Variants in NSL1 observed in about 807,000 individuals in gnomAD.
The protein encoded by NSL1 is NSL1 component of MIS12 kinetochore complex.
A neutral mutation model predicts 25.4 loss-of-function variants in NSL1; 11 were observed. The ratio of observed to expected loss-of-function variants is 0.43; its 90% CI spans 0.27 to 0.72. The LOEUF (loss-of-function observed/expected upper bound fraction) is 0.72, where lower values mean the gene tolerates loss of function less well. Ranked by LOEUF, NSL1 falls within the 30% of genes least tolerant of loss-of-function variation. NSL1 has a pLI of 0.19. For synonymous variants in NSL1, 118 were observed against 120.6 expected (o/e 0.98, Z 0.14); for missense variants, 330 against 342.7 (o/e 0.96, Z 0.29).
rs1439061713 is a variant in NSL1 at position 212,787,652 on chromosome 1, C to T, written c.235-15G>A. 1.3e-6 allele frequency: 2 copies of T among 1,560,946 alleles called. No homozygotes were observed. ...GATTCAAAAGTCTGCAATAAATTCA[C>T]AGTAGTCAAGTCACTAAAAATAATT... On this transcript the variant is annotated splice_polypyrimidine_tract_variant and intron_variant, in intron 1 of 5. Transcript: ENST00000366977.
chr1:212,780,919 T>A (rs1660707198), intron 4 of NSL1, among the ~76,000 whole-genome samples: 1 of 152,164 alleles, frequency 6.6e-6, no homozygotes, highest in South Asian at 2.1e-4. Context: ...AGTGCAGAGC[T>A]GGAATTCACG....
intron 4 of NSL1, 84 bp from the exon 5 acceptor site, chr1:212,739,685 T>TA (rs1213257785): frequency 2.3e-6 from 3 of 1,328,450 alleles, no homozygotes; most frequent in Non-Finnish European, 3.2e-6. Context: ...CTGAAAGGCA[T>TA]ATAGATGCTA....
intron 4 of NSL1, among the ~76,000 whole-genome samples, chr1:212,765,344 C>G (rs1018594474): frequency 1.3e-5 from 2 of 152,138 alleles, no homozygotes; most frequent in African/African-American, 4.8e-5. Context: ...CAATAAAATA[C>G]TAGCTAACCA....
chr1:212,775,564 C>T (rs1009294020), intron 4 of NSL1, among the ~76,000 whole-genome samples: 1 of 151,036 alleles, frequency 6.6e-6, no homozygotes, highest in Non-Finnish European at 1.5e-5. Context: ...GAGTTAGAGA[C>T]CAGCCTAGGC....
Position 212,732,029 on chromosome 1 carries a change from T to A in NSL1, c.*6379A>T, listed in dbSNP as rs78965463. 2.5e-5 allele frequency: 1 copy of A among 39,496 alleles called. No individual in the cohort carries two copies. The highest frequency in any genetic ancestry group is 4.4e-5 in the Non-Finnish European group (1 of 22,488). The allele number at this position is 39,496 out of a possible 1,614,324, so 2.4% of individuals were successfully genotyped here. Reference sequence around the variant, plus strand: ...TAGCCTCCCAGTGTAACTGTCCCAATTTTTTTTTTTTTTTTTTACTGAATT... The same window carrying A: ...TAGCCTCCCAGTGTAACTGTCCCAAATTTTTTTTTTTTTTTTTACTGAATT... On this transcript the variant is annotated 3_prime_UTR_variant, in exon 6 of 6. Coordinates refer to ENST00000366977, the MANE Select transcript of NSL1 (RefSeq NM_015471.4).
chr1:212,743,444 T>A (rs942348874), intron 4 of NSL1, among the ~76,000 whole-genome samples: 1 of 151,428 alleles, frequency 6.6e-6, no homozygotes. Context: ...ATTACAGCCA[T>A]GAACCACAGC....
intron 4 of NSL1, among the ~76,000 whole-genome samples, chr1:212,755,914 T>C (rs1659285432): frequency 6.6e-6 from 1 of 152,116 alleles, no homozygotes; most frequent in African/African-American, 2.4e-5. Flanking sequence ...AAACTTAAGC[T>C]AGGAAATTGC....
In NSL1 at chr1:212,769,212, T is replaced by C. The variant is rs1659984988; in HGVS notation, c.499+13160A>G. ...AAAATCTATTTAACAACATAGTAGC[T>C]AAAAACTTCTCAAATCTTGCAAAAG... On this transcript the variant is annotated intron_variant, in intron 4 of 5. Transcript: ENST00000366977. Among the ~76,000 whole-genome samples, 3 of 152,158 alleles carry C rather than the reference T, an allele frequency of 2.0e-5. No individual in the cohort carries two copies. The South Asian group carries it at 6.2e-4, about 31-fold the overall frequency.
intron 4 of NSL1, chr1:212,766,410 A>T: frequency 2.4e-6 from 1 of 422,318 alleles, no homozygotes; most frequent in Non-Finnish European, 4.2e-6. Flanking sequence ...TTTGCCAGTG[A>T]TATGATCGTA....
Position 212,731,276 on chromosome 1 carries a change from C to T in NSL1, c.*7132G>A, listed in dbSNP as rs1471552492. On this transcript the variant is annotated 3_prime_UTR_variant, in exon 6 of 6. Transcript: ENST00000366977. ...CTTATCTGAAATATACTGTGATAGG[C>T]CAGGTGCAGTGGCTCATTCCTGTAA... 1 of 984,830 alleles carries T rather than the reference C, an allele frequency of 1.0e-6. No individual in the cohort carries two copies. Among genetic ancestry groups the T allele is most frequent in the Non-Finnish European group, 1.2e-6 (1 of 829,812 alleles). The allele number at this position is 984,830 out of a possible 1,614,324, so 61.0% of individuals were successfully genotyped here.
chr1:212,751,712 T>A lies in NSL1; in HGVS notation c.500-12111A>T, dbSNP rs369183611. On this transcript the variant is annotated intron_variant, in intron 4 of 5. Transcript: ENST00000366977. ...GTAGCACCAATAATTAATAAAACCATTTTTTTTAAAGACAAAAGAAGGAAA... is the reference window on the plus strand; with the variant it reads ...GTAGCACCAATAATTAATAAAACCAATTTTTTTAAAGACAAAAGAAGGAAA... Among the ~76,000 whole-genome samples, 36 of 21,858 alleles carry A rather than the reference T, an allele frequency of 1.6e-3. No individual in the cohort carries two copies. In the East Asian group the frequency reaches 0.027, roughly 16 times the overall value. The allele number at this position is 21,858 out of a possible 152,430, so 14.3% of individuals were successfully genotyped here. A position where few individuals can be genotyped will look rare whatever the true frequency, so the allele number is the denominator to read the frequency against.
Position 212,728,072 on chromosome 1 carries a change from T to G in NSL1, c.*10336A>C, listed in dbSNP as rs1017702338. 2 of 985,364 alleles carry G rather than the reference T, an allele frequency of 2.0e-6. No homozygotes were observed. The highest frequency in any genetic ancestry group is 9.4e-5 in the South Asian group (2 of 21,282). 61.0% of individuals were successfully genotyped at this position (985,364 alleles called of 1,614,324 possible). On this transcript the variant is annotated 3_prime_UTR_variant, in exon 6 of 6. Transcript: ENST00000366977. ...GACCGCTGGGAAGGTGGCCAGGCAC[T>G]TCCCTTCTCATCTCCACCTCTTTCT...
In NSL1 at chr1:212,739,578, A is replaced by T; in HGVS notation, c.523T>A (p.Cys175Ser). Residue 175 changes from cysteine (C) to serine (S), a missense_variant, in exon 5 of 6, where the codon TGC (cysteine) becomes AGC (serine). Physicochemically the swap from Cys to Ser is moderately radical, Grantham distance 112. Transcript: ENST00000366977. ...TCCTTTGCTACTGTTTCCCCTCTGCATTTCAAATTTTCCATATGAGGGGCT... is the reference window on the plus strand; with the variant it reads ...TCCTTTGCTACTGTTTCCCCTCTGCTTTTCAAATTTTCCATATGAGGGGCT... ...DPAPHMENLK[C>S]RGETVAKEIS... The T allele has an allele frequency of 1.9e-6, 3 of 1,613,524 alleles. No homozygotes were observed. The highest frequency in any genetic ancestry group is 2.5e-6 in the Non-Finnish European group (3 of 1,179,722).
intron 4 of NSL1, among the ~76,000 whole-genome samples, chr1:212,741,329 T>C (rs1658495074): frequency 6.6e-6 from 1 of 152,250 alleles, no homozygotes; most frequent in Non-Finnish European, 1.5e-5. Flanking sequence ...CGAACATTTA[T>C]GATGTATCTT....
At position 212,729,484 on chromosome 1, in the gene NSL1, C is replaced by T. The variant is rs1016414377; in HGVS notation, c.*8924G>A. The T allele has an allele frequency of 4.1e-6, 4 of 985,206 alleles. No homozygotes were observed. Among genetic ancestry groups the T allele is most frequent in the African/African-American group, 3.5e-5 (2 of 57,196 alleles). 61.0% of individuals were successfully genotyped at this position (985,206 alleles called of 1,614,324 possible). A position where few individuals can be genotyped will look rare whatever the true frequency, so the allele number is the denominator to read the frequency against. On this transcript the variant is annotated 3_prime_UTR_variant, in exon 6 of 6. Transcript: ENST00000366977. ...TGTCTGGCACATGGCTGGGAAAGAT[C>T]CTGAGGCTCTGGAGCTGGGGTGTAT...
At chr1:212,765,637 A>G (rs1393749602) in intron 4 of NSL1, among the ~76,000 whole-genome samples, 2 of 151,896 alleles carry the variant, frequency 1.3e-5, no homozygotes, top group Non-Finnish European at 2.9e-5. Context: ...CCTGGTCAAT[A>G]TGGTGAAACC....
At position 212,734,856 on chromosome 1, in the gene NSL1, C is replaced by A. The variant is rs926869931; in HGVS notation, c.*3552G>T. Among the ~76,000 whole-genome samples the A allele has an allele frequency of 1.3e-5, 2 of 152,204 alleles. No individual in the cohort carries two copies. Among genetic ancestry groups the A allele is most frequent in the Non-Finnish European group, 2.9e-5 (2 of 68,044 alleles). ...CTGCATGGCATTATCATTGTTTGCA[C>A]ACTCATCCTCTTCACTGGAATATGA... On this transcript the variant is annotated 3_prime_UTR_variant, in exon 6 of 6. Coordinates refer to ENST00000366977, the MANE Select transcript of NSL1 (RefSeq NM_015471.4).
At chr1:212,779,523 C>A (rs1571915080) in intron 4 of NSL1, among the ~76,000 whole-genome samples, 1 of 117,414 alleles carries the variant, frequency 8.5e-6, no homozygotes, top group African/African-American at 3.5e-5. Context: ...GGTCAGCCCC[C>A]CGCCCAGCCA....
rs546546782 is a variant in NSL1, at chr1:212,738,590, A to G, written c.664T>C (p.Ser222Pro). The G allele has an allele frequency of 6.2e-7, 1 of 1,614,144 alleles. No individual in the cohort carries two copies. The highest frequency in any genetic ancestry group is 2.2e-5 in the East Asian group (1 of 44,884). ...GCATCTGGTTTCCTATGACAACTGG[A>G]AAAGACTTCTTGGTGAATCCTCTGG... ...HLQRIHQEVF[S>P]SCHRKPDAKP... The change falls in exon 6 of 6, where the codon TCC (serine) becomes CCC (proline). Residue 222 changes from serine (S) to proline (P), a missense_variant. Transcript: ENST00000366977.
Sources: gnomAD v4.1 joint callset for allele counts (sites outside exome capture counted in the v4.1 genomes callset) on GRCh38, gnomAD v4.1.1 for gene constraint, MANE v1.5 for transcripts, NCBI Gene and HGNC (gene_info 2026-07-23, HGNC 2026-07-21) for gene names.